The following DUSP7 variants were observed in gnomAD, a reference collection of about 807,000 sequenced individuals.
The protein encoded by DUSP7 is dual specificity phosphatase 7, also known as dual specificity protein phosphatase 7.
A neutral mutation model predicts 29.8 loss-of-function variants in DUSP7; 7 were observed. The ratio of observed to expected loss-of-function variants is 0.24; its 90% CI spans 0.13 to 0.44. DUSP7 has a LOEUF of 0.44. Ranked by LOEUF, DUSP7 falls within the 20% of genes least tolerant of loss-of-function variation. DUSP7 has a pLI of 1.00. For synonymous variants in DUSP7, 287 were observed against 275.4 expected (o/e 1.04, Z -0.42); for missense variants, 400 against 583.7 (o/e 0.69, Z 3.24).
Position 52,050,641 on chromosome 3 carries a change from G to C in DUSP7, c.*174C>G. ...CCCTGCAGTGGGAGACCTTGCCTGC[G>C]GGCCCTGCCCCCAAGGATGGTGAGG... On this transcript the variant is annotated 3_prime_UTR_variant, in exon 3 of 3. Transcript: ENST00000495880. The surrounding 1 kb of genome is among the most constrained non-coding windows in gnomAD (Gnocchi z 5.0). 1.3e-6 allele frequency: 1 copy of C among 761,714 alleles called. No homozygotes were observed. The highest frequency in any genetic ancestry group is 2.0e-6 in the Non-Finnish European group (1 of 490,864). 47.2% of individuals were successfully genotyped at this position (761,714 alleles called of 1,614,324 possible).
In DUSP7 at chr3:52,053,768, G is replaced by A; in HGVS notation, c.952+172C>T. 1 of 690,918 alleles carries A rather than the reference G, an allele frequency of 1.4e-6. No individual in the cohort carries two copies. Among genetic ancestry groups the A allele is most frequent in the Non-Finnish European group, 2.4e-6 (1 of 410,086 alleles). 42.8% of individuals were successfully genotyped at this position (690,918 alleles called of 1,614,324 possible). On this transcript the variant is annotated intron_variant, in intron 2 of 2. Transcript: ENST00000495880. This position sits in a 1 kb window ranked among gnomAD's most constrained non-coding sequence, Gnocchi z 4.6. Reference sequence around the variant, plus strand: ...CCCCAACAGGTAGAGGGGCCCAAGGGACTCGGTGACTCACAGTAGGCCTGG... The same window carrying A: ...CCCCAACAGGTAGAGGGGCCCAAGGAACTCGGTGACTCACAGTAGGCCTGG...
chr3:52,053,811 C>A lies in DUSP7; in HGVS notation c.952+129G>T. 4.8e-6 allele frequency: 5 copies of A among 1,041,480 alleles called. No individual in the cohort carries two copies. Among genetic ancestry groups the A allele is most frequent in the Non-Finnish European group, 7.1e-6 (5 of 703,702 alleles). 64.5% of individuals were successfully genotyped at this position (1,041,480 alleles called of 1,614,324 possible). On this transcript the variant is annotated intron_variant, in intron 2 of 2. Coordinates refer to ENST00000495880, the MANE Select transcript of DUSP7 (RefSeq NM_001947.4). This position sits in a 1 kb window ranked among gnomAD's most constrained non-coding sequence, Gnocchi z 4.6. ...AGGCCTGGGTACACCCACGGGCACACGCTGGCACACGTAGGGCACACACAG... is the reference window on the plus strand; with the variant it reads ...AGGCCTGGGTACACCCACGGGCACAAGCTGGCACACGTAGGGCACACACAG...
chr3:52,055,842 G>T lies in DUSP7; in HGVS notation c.517+8C>A. On this transcript the variant is annotated splice_region_variant and intron_variant, in intron 1 of 2. Coordinates refer to ENST00000495880, the MANE Select transcript of DUSP7 (RefSeq NM_001947.4). ...CGATCCCGTAAGGCGTCTCGGTGCC[G>T]CCCTCACCTTGGAGGTAGTAGGCCT... is the stretch of plus-strand genomic sequence containing the variant. 1.3e-6 allele frequency: 2 copies of T among 1,536,012 alleles called. No homozygotes were observed. The highest frequency in any genetic ancestry group is 1.7e-6 in the Non-Finnish European group (2 of 1,144,038).
rs946379781 is a variant in DUSP7 at position 52,054,425 on chromosome 3, A to G, written c.518-51T>C. 3 of 1,468,336 alleles carry G rather than the reference A, an allele frequency of 2.0e-6. No homozygotes were observed. Among genetic ancestry groups the G allele is most frequent in the African/African-American group, 2.8e-5 (2 of 70,744 alleles). 91.0% of individuals were successfully genotyped at this position (1,468,336 alleles called of 1,614,324 possible). On this transcript the variant is annotated intron_variant, in intron 1 of 2. Transcript: ENST00000495880. The surrounding 1 kb of genome is among the most constrained non-coding windows in gnomAD (Gnocchi z 4.1). ...GGGTGAGAGGCTGGTGAGAGCCCAGATGGGCTGCACAAGACCAGAGATGGC... is the reference window on the plus strand; with the variant it reads ...GGGTGAGAGGCTGGTGAGAGCCCAGGTGGGCTGCACAAGACCAGAGATGGC...
chr3:52,054,308 G>A lies in DUSP7; in HGVS notation c.584C>T (p.Ser195Leu), dbSNP rs371575895. ...TGAGGTGGGTGGCGAGCTGCTCGGCGAGGAAGAGCTGTCCACGTTGGTCTC... is the reference window on the plus strand; with the variant it reads ...TGAGGTGGGTGGCGAGCTGCTCGGCAAGGAAGAGCTGTCCACGTTGGTCTC... ...HCETNVDSSSSPSSSPPTSVL... is the reference protein window; with the variant it reads ...HCETNVDSSSLPSSSPPTSVL... The change falls in exon 2 of 3, where the codon TCG becomes TTG. Residue 195 changes from serine (S) to leucine (L), a missense_variant. Physicochemically the swap from Ser to Leu is moderately radical, Grantham distance 145 (BLOSUM62 -2). Transcript: ENST00000495880. The surrounding 1 kb of genome is among the most constrained non-coding windows in gnomAD (Gnocchi z 4.1). 8.2e-6 allele frequency: 13 copies of A among 1,582,678 alleles called. No homozygotes were observed. Among genetic ancestry groups the A allele is most frequent in the South Asian group, 4.6e-5 (4 of 86,060 alleles).
At chr3:52,052,991 T>A (rs371129392) in intron 2 of DUSP7, 1 of 152,634 alleles carries the variant, frequency 6.6e-6, no homozygotes, top group Non-Finnish European at 1.5e-5. Flanking sequence ...AGTAAGCGGA[T>A]GAGGCGGGGA....
rs1701840395 is a variant in DUSP7, at chr3:52,050,907, G to A, written c.1168C>T (p.Pro390Ser). 1.9e-6 allele frequency: 3 copies of A among 1,614,256 alleles called. No homozygotes were observed. The highest frequency in any genetic ancestry group is 2.5e-6 in the Non-Finnish European group (3 of 1,180,044). ...DFERTLGLSSPCDNHASSEQL... is the reference protein window; with the variant it reads ...DFERTLGLSSSCDNHASSEQL... ...TCACTCGACGCGTGGTTGTCGCACG[G>A]GCTGCTTAGCCCCAGCGTCCGCTCA... Residue 390 changes from proline to serine, a missense_variant, in exon 3 of 3, where the codon CCG (proline) becomes TCG (serine). By Grantham distance (74) the Pro-to-Ser change is moderately conservative. Around this residue, in one of 4 missense-constraint regions of DUSP7, gnomAD observed 75 missense variants for 95.0 expected, o/e 0.79. Coordinates refer to ENST00000495880, the MANE Select transcript of DUSP7 (RefSeq NM_001947.4). The surrounding 1 kb of genome is among the most constrained non-coding windows in gnomAD (Gnocchi z 5.0).
chr3:52,056,267 C>T lies in DUSP7; in HGVS notation c.100G>A (p.Gly34Arg), dbSNP rs1247191291. ...CCGGTGCCTGCGCCGGACCCCGACC[C>T]CGCACCGGGCTCGGACCCCGCCCGG... ...GTRAGSEPGA[G>R]SGSGAGTGAG... is the part of the protein sequence containing the mutation. Residue 34 changes from glycine (G) to arginine (R), a missense_variant, in exon 1 of 3, where the codon GGG becomes AGG. Around this residue, in one of 4 missense-constraint regions of DUSP7, gnomAD observed 96 missense variants for 97.1 expected, o/e 0.99. Coordinates refer to ENST00000495880, the MANE Select transcript of DUSP7 (RefSeq NM_001947.4). This position sits in a 1 kb window ranked among gnomAD's most constrained non-coding sequence, Gnocchi z 6.4. The T allele has an allele frequency of 3.8e-6, 5 of 1,314,804 alleles. No homozygotes were observed. The East Asian group carries it at 9.6e-5, about 25-fold the overall frequency. 81.4% of individuals were successfully genotyped at this position (1,314,804 alleles called of 1,614,324 possible). A position where few individuals can be genotyped will look rare whatever the true frequency, so the allele number is the denominator to read the frequency against.
At position 52,054,341 on chromosome 3, in the gene DUSP7, T is replaced by C. The variant is rs182468436; in HGVS notation, c.551A>G (p.Glu184Gly). 2.0e-4 allele frequency: 306 copies of C among 1,540,780 alleles called. 3 individuals carry two copies. In the East Asian group the frequency reaches 6.8e-3, roughly 34 times the overall value. ...GCTGTCCACGTTGGTCTCGCAGTGCTCAGAGTACTCTGTTTGAAACTTGTT... is the reference window on the plus strand; with the variant it reads ...GCTGTCCACGTTGGTCTCGCAGTGCCCAGAGTACTCTGTTTGAAACTTGTT... ...GFNKFQTEYS[E>G]HCETNVDSSS... Residue 184 changes from glutamate to glycine, a missense_variant, in exon 2 of 3, where the codon GAG becomes GGG. Physicochemically the swap from Glu to Gly is moderately conservative, Grantham distance 98 (BLOSUM62 -2). Around this residue, in one of 4 missense-constraint regions of DUSP7, gnomAD observed 223 missense variants for 360.9 expected, o/e 0.62. Coordinates refer to ENST00000495880, the MANE Select transcript of DUSP7 (RefSeq NM_001947.4). This position sits in a 1 kb window ranked among gnomAD's most constrained non-coding sequence, Gnocchi z 4.1.
chr3:52,052,897 G>A (rs1351199902), intron 2 of DUSP7: 1 of 152,618 alleles, frequency 6.6e-6, no homozygotes, highest in Non-Finnish European at 1.5e-5. Context: ...GGGCTGAGAA[G>A]CTCCAGGCAG....
chr3:52,056,094 G>A lies in DUSP7; in HGVS notation c.273C>T (p.Ala91=). ...ELFESSHIET[A]INLAIPGLML... ...TGAGGCCCGGGATGGCCAGGTTGATGGCCGTCTCGATGTGCGACGACTCGA... is the reference window on the plus strand; with the variant it reads ...TGAGGCCCGGGATGGCCAGGTTGATAGCCGTCTCGATGTGCGACGACTCGA... The change falls in exon 1 of 3, where the codon GCC becomes GCT. Residue 91 remains alanine (A), a synonymous_variant. Transcript: ENST00000495880. The surrounding 1 kb of genome is among the most constrained non-coding windows in gnomAD (Gnocchi z 6.4). The A allele has an allele frequency of 1.2e-6, 2 of 1,608,436 alleles. No homozygotes were observed. The highest frequency in any genetic ancestry group is 1.7e-6 in the Non-Finnish European group (2 of 1,178,612).
rs1465477518 is a variant in DUSP7 at position 52,054,654 on chromosome 3, C to T, written c.518-280G>A. Among the ~76,000 whole-genome samples, 1 of 152,236 alleles carries T rather than the reference C, an allele frequency of 6.6e-6. No individual in the cohort carries two copies. The stretch of plus-strand genomic sequence containing the variant: ...CACTTCGGGGCCCCCAGCCATGGCA[C>T]CAGCTTTAGGGCACTTGAGGACAGG... On this transcript the variant is annotated intron_variant, in intron 1 of 2. Transcript: ENST00000495880. The surrounding 1 kb of genome is among the most constrained non-coding windows in gnomAD (Gnocchi z 4.1).
intron 1 of DUSP7, 150 bp downstream of exon 1, chr3:52,055,700 C>G: frequency 3.0e-6 from 3 of 996,102 alleles, no homozygotes; most frequent in Non-Finnish European, 4.2e-6. Flanking sequence ...ACAGTGGGGA[C>G]CCGGCTCCAG....
chr3:52,054,703 G>A lies in DUSP7; in HGVS notation c.518-329C>T, dbSNP rs1701881522. On this transcript the variant is annotated intron_variant, in intron 1 of 2. Coordinates refer to ENST00000495880, the MANE Select transcript of DUSP7 (RefSeq NM_001947.4). The surrounding 1 kb of genome is among the most constrained non-coding windows in gnomAD (Gnocchi z 4.1). The stretch of plus-strand genomic sequence containing the variant: ...GGCCCCAGCTAATTCCTCTTCTGCA[G>A]CTCCCACGCACACCTAGCACCCATG... Among the ~76,000 whole-genome samples, 1 of 152,206 alleles carries A rather than the reference G, an allele frequency of 6.6e-6. No individual in the cohort carries two copies. The highest frequency in any genetic ancestry group is 1.5e-5 in the Non-Finnish European group (1 of 68,042).
At position 52,055,987 on chromosome 3, in the gene DUSP7, C is replaced by T. The variant is rs1480948919; in HGVS notation, c.380G>A (p.Arg127His). Residue 127 changes from arginine (R) to histidine (H), a missense_variant, in exon 1 of 3, where the codon CGC (arginine) becomes CAC (histidine). Coordinates refer to ENST00000495880, the MANE Select transcript of DUSP7 (RefSeq NM_001947.4). ...GAGCAGCACGGTGGCCGCCTTGCAG[C>T]GCGTGGCGAAGCGCTCCTTGTCGGC... is the stretch of plus-strand genomic sequence containing the variant. Reference protein sequence around the residue: ...NHADKERFATRCKAATVLLYD... With the variant: ...NHADKERFATHCKAATVLLYD... The T allele has an allele frequency of 1.3e-6, 2 of 1,580,922 alleles. No homozygotes were observed. The highest frequency in any genetic ancestry group is 1.1e-5 in the South Asian group (1 of 87,322).
chr3:52,054,094 G>C lies in DUSP7; in HGVS notation c.798C>G (p.Leu266=). The C allele has an allele frequency of 6.2e-7, 1 of 1,614,226 alleles. No homozygotes were observed. The highest frequency in any genetic ancestry group is 8.5e-7 in the Non-Finnish European group (1 of 1,180,048). ...GGATATACTTGATGCCATACTTGCC[G>C]AGCACGTCCAGGTTGGTGGAGTCCT... The part of the protein sequence containing the change: ...CAKDSTNLDV[L]GKYGIKYILN... Residue 266 remains leucine, a synonymous_variant, in exon 2 of 3, where the codon CTC becomes CTG. Coordinates refer to ENST00000495880, the MANE Select transcript of DUSP7 (RefSeq NM_001947.4). This position sits in a 1 kb window ranked among gnomAD's most constrained non-coding sequence, Gnocchi z 4.1.
rs776622838 is a variant in DUSP7 at position 52,054,346 on chromosome 3, G to A, written c.546C>T (p.Tyr182=). ...QGGFNKFQTE[Y]SEHCETNVDS... ...CCACGTTGGTCTCGCAGTGCTCAGA[G>A]TACTCTGTTTGAAACTTGTTGAAAC... The change falls in exon 2 of 3, where the codon TAC becomes TAT. Residue 182 remains tyrosine, a synonymous_variant. Coordinates refer to ENST00000495880, the MANE Select transcript of DUSP7 (RefSeq NM_001947.4). The surrounding 1 kb of genome is among the most constrained non-coding windows in gnomAD (Gnocchi z 4.1). 1.3e-6 allele frequency: 2 copies of A among 1,539,076 alleles called. No individual in the cohort carries two copies. Among genetic ancestry groups the A allele is most frequent in the Non-Finnish European group, 1.7e-6 (2 of 1,143,108 alleles).
In DUSP7 at chr3:52,055,994, C is replaced by A; in HGVS notation, c.373G>T (p.Ala125Ser). 6.3e-7 allele frequency: 1 copy of A among 1,582,570 alleles called. No individual in the cohort carries two copies. Among genetic ancestry groups the A allele is most frequent in the Non-Finnish European group, 8.6e-7 (1 of 1,164,814 alleles). Residue 125 changes from alanine to serine, a missense_variant, in exon 1 of 3, where the codon GCC becomes TCC. Physicochemically the swap from Ala to Ser is moderately conservative, Grantham distance 99. Around this residue, in one of 4 missense-constraint regions of DUSP7, gnomAD observed 223 missense variants for 360.9 expected, o/e 0.62. Transcript: ENST00000495880. ...ACGGTGGCCGCCTTGCAGCGCGTGG[C>A]GAAGCGCTCCTTGTCGGCGTGGTTG... ...IPNHADKERF[A>S]TRCKAATVLL...
rs974785342 is a variant in DUSP7, at chr3:52,053,811, C to T, written c.952+129G>A. On this transcript the variant is annotated intron_variant, in intron 2 of 2. Coordinates refer to ENST00000495880, the MANE Select transcript of DUSP7 (RefSeq NM_001947.4). The surrounding 1 kb of genome is among the most constrained non-coding windows in gnomAD (Gnocchi z 4.6). Reference sequence around the variant, plus strand: ...AGGCCTGGGTACACCCACGGGCACACGCTGGCACACGTAGGGCACACACAG... The same window carrying T: ...AGGCCTGGGTACACCCACGGGCACATGCTGGCACACGTAGGGCACACACAG... 1.3e-5 allele frequency: 14 copies of T among 1,041,358 alleles called. No homozygotes were observed. The highest frequency in any genetic ancestry group is 1.1e-4 in the Admixed American group (5 of 46,370). 64.5% of individuals were successfully genotyped at this position (1,041,358 alleles called of 1,614,324 possible).
Sources: gnomAD v4.1 joint callset for allele counts (sites outside exome capture counted in the v4.1 genomes callset) on GRCh38, gnomAD v4.1.1 for gene constraint, gnomAD v4.1.1 regional missense constraint, Gnocchi (gnomAD v3.1) non-coding constraint, MANE v1.5 for transcripts, NCBI Gene and HGNC (gene_info 2026-07-23, HGNC 2026-07-21) for gene names.